The following FBN2 variants were observed in gnomAD, a reference collection of about 807,000 sequenced individuals.
FBN2 encodes fibrillin 2, also known as fibrillin-2.
FBN2 carries 105 observed loss-of-function variants against 355.6 expected under a neutral mutation model. The ratio of observed to expected loss-of-function variants is 0.30; its 90% CI spans 0.25 to 0.35. FBN2 has a LOEUF of 0.35. Among genes scored for constraint, FBN2 ranks in the 10% least tolerant of loss-of-function variants. The probability of loss-of-function intolerance (pLI) is 1.00; values close to 1 mark genes in which losing one functional copy is unlikely to be tolerated. For synonymous variants in FBN2, 1,350 were observed against 1,301.2 expected (o/e 1.04, Z -0.81); for missense variants, 3,280 against 3,758.7 (o/e 0.87, Z 3.33).
At chr5:128,442,270 C>G (rs993662518) in intron 7 of FBN2, 2 of 453,884 alleles carry the variant, frequency 4.4e-6, no homozygotes, top group African/African-American at 4.0e-5. Flanking sequence ...CCCATGTAAG[C>G]CAGGAAAGAA....
intron 40 of FBN2, among the ~76,000 whole-genome samples, chr5:128,309,646 T>G (rs937711729): frequency 2.0e-5 from 3 of 152,198 alleles, no homozygotes; most frequent in Non-Finnish European, 2.9e-5. Flanking sequence ...TTTGTTTTTC[T>G]CTCAAAATCA....
intron 8 of FBN2, among the ~76,000 whole-genome samples, chr5:128,401,549 G>A (rs1211035777): frequency 6.6e-6 from 1 of 152,114 alleles, no homozygotes; most frequent in Non-Finnish European, 1.5e-5. Flanking sequence ...TTGGGAGGCC[G>A]AGGTGGGTGG....
intron 64 of FBN2, among the ~76,000 whole-genome samples, chr5:128,261,126 CAG>C (rs1764953107): frequency 6.6e-6 from 1 of 152,094 alleles, no homozygotes; most frequent in African/African-American, 2.4e-5. Flanking sequence ...AACTATGTAA[CAG>C]AGGTAACAGA....
In FBN2 at chr5:128,440,317, A is replaced by G. The variant is rs1252641912; in HGVS notation, c.952+6164T>C. Among the ~76,000 whole-genome samples, 5 of 152,222 alleles carry G rather than the reference A, an allele frequency of 3.3e-5. No homozygotes were observed. The East Asian group carries it at 9.6e-4, about 29-fold the overall frequency. On this transcript the variant is annotated intron_variant, in intron 7 of 64. Transcript: ENST00000262464. ...AAAGAGCTACCTGAGACTGGGTAAT[A>G]TATAAAGAAAAAAAGTTTTATTTTA...
chr5:128,367,530 T>C (rs1377935656), intron 16 of FBN2, among the ~76,000 whole-genome samples: 1 of 152,138 alleles, frequency 6.6e-6, no homozygotes, highest in Non-Finnish European at 1.5e-5. Context: ...AGATTACTTG[T>C]GTATTTTACT....
chr5:128,372,553 G>A (rs979637591), intron 15 of FBN2, among the ~76,000 whole-genome samples: 2 of 152,026 alleles, frequency 1.3e-5, no homozygotes, highest in African/African-American at 2.4e-5. Context: ...GTGCAGTGGT[G>A]CAATCATAGC....
intron 16 of FBN2, 34 bp from the exon 17 acceptor site, chr5:128,366,464 C>T: frequency 7.4e-7 from 1 of 1,357,614 alleles, no homozygotes; most frequent in Non-Finnish European, 1.1e-6. Flanking sequence ...GAATTAAAAA[C>T]TTAACTATAC....
chr5:128,340,837 A>G (rs182090321), intron 25 of FBN2, among the ~76,000 whole-genome samples: 1 of 151,418 alleles, frequency 6.6e-6, no homozygotes, highest in Non-Finnish European at 1.5e-5. Context: ...CTCTCTCTCT[A>G]TATATATATG....
At chr5:128,323,707 G>C (rs1262793139) in intron 34 of FBN2, among the ~76,000 whole-genome samples, 2 of 152,184 alleles carry the variant, frequency 1.3e-5, no homozygotes, top group Non-Finnish European at 2.9e-5. Flanking sequence ...ATTTTATTGA[G>C]AATCTTTGCA....
At chr5:128,352,490 G>A (rs1276265896) in intron 20 of FBN2, among the ~76,000 whole-genome samples, 1 of 152,150 alleles carries the variant, frequency 6.6e-6, no homozygotes, top group African/African-American at 2.4e-5. Flanking sequence ...GTGGCATAAT[G>A]AAAAGTTTTT....
intron 48 of FBN2, 42 bp downstream of exon 48, chr5:128,300,775 T>C: frequency 6.2e-7 from 1 of 1,606,448 alleles, no homozygotes; most frequent in South Asian, 1.1e-5. Context: ...TGTCTTACTA[T>C]ACTGAACTAC....
chr5:128,277,814 G>A, intron 58 of FBN2, 66 bp downstream of exon 58: 3 of 1,542,070 alleles, frequency 1.9e-6, no homozygotes, highest in Non-Finnish European at 2.7e-6. Context: ...CTGATAATGA[G>A]TGACTTGCAG....
Position 128,303,004 on chromosome 5 carries a change from C to A in FBN2, c.5886G>T (p.Gly1962=), listed in dbSNP as rs747408641. ...AATCATTATTATGAGTGAGTTCAAA[C>A]CCTGGGTAGCACAGACAGTTATAGG... ...VGSYNCLCYP[G]FELTHNNDCL... The change falls in exon 46 of 65, where the codon GGG becomes GGT. Residue 1962 remains glycine (G), a synonymous_variant. Coordinates refer to ENST00000262464, the MANE Select transcript of FBN2 (RefSeq NM_001999.4). 1.9e-6 allele frequency: 3 copies of A among 1,607,498 alleles called. No homozygotes were observed. In the African/African-American group the frequency reaches 4.0e-5, roughly 22 times the overall value.
intron 5 of FBN2, among the ~76,000 whole-genome samples, chr5:128,508,365 CTTT>C (rs1206185217): frequency 5.3e-5 from 8 of 151,864 alleles, no homozygotes; most frequent in South Asian, 2.1e-4. Context: ...TTGCTTTCTT[CTTT>C]ATTATTCCAT....
At chr5:128,472,021 ATC>A (rs1284162293) in intron 5 of FBN2, among the ~76,000 whole-genome samples, 1 of 152,242 alleles carries the variant, frequency 6.6e-6, no homozygotes, top group Non-Finnish European at 1.5e-5. Context: ...GACTACTAAA[ATC>A]TGTTAAGACT....
chr5:128,464,846 G>A lies in FBN2; in HGVS notation c.704C>T (p.Thr235Met), dbSNP rs367767903. 2.7e-5 allele frequency: 44 copies of A among 1,614,238 alleles called. No homozygotes were observed. The highest frequency in any genetic ancestry group is 9.9e-5 in the South Asian group (9 of 91,084). The change falls in exon 6 of 65, where the codon ACG becomes ATG. Residue 235 changes from threonine to methionine, a missense_variant. Around this residue, in one of 6 missense-constraint regions of FBN2, gnomAD observed 130 missense variants for 189.9 expected, o/e 0.68. Coordinates refer to ENST00000262464, the MANE Select transcript of FBN2 (RefSeq NM_001999.4). ...CQGQLTGIVC[T>M]KTLCCATIGR... The stretch of plus-strand genomic sequence containing the variant: ...AATGGTGGCACAGCACAGAGTCTTC[G>A]TGCAGACAATGCCTGTCAGCTGCCC...
At chr5:128,396,713 T>C (rs979708268) in intron 8 of FBN2, among the ~76,000 whole-genome samples, 1 of 152,244 alleles carries the variant, frequency 6.6e-6, no homozygotes, top group Non-Finnish European at 1.5e-5. Flanking sequence ...TTATGGGTTA[T>C]AACTGAAACT....
intron 48 of FBN2, among the ~76,000 whole-genome samples, chr5:128,294,776 T>G (rs1172936089): frequency 1.3e-5 from 2 of 150,220 alleles, no homozygotes; most frequent in Non-Finnish European, 3.0e-5. Flanking sequence ...TTTCTCCCAT[T>G]TTGTAGGTTG....
chr5:128,477,425 G>T (rs547430501), intron 5 of FBN2, among the ~76,000 whole-genome samples: 1 of 152,180 alleles, frequency 6.6e-6, no homozygotes, highest in African/African-American at 2.4e-5. Flanking sequence ...AAATTCAAAG[G>T]CATCCTGGAA....
Sources: gnomAD v4.1 joint callset for allele counts (sites outside exome capture counted in the v4.1 genomes callset) on GRCh38, gnomAD v4.1.1 for gene constraint, gnomAD v4.1.1 regional missense constraint, MANE v1.5 for transcripts, NCBI Gene and HGNC (gene_info 2026-07-23, HGNC 2026-07-21) for gene names.